The following MMP24 variants were observed in gnomAD, a reference collection of about 807,000 sequenced individuals.
The protein encoded by MMP24 is matrix metalloproteinase-24.
A neutral mutation model predicts 62.8 loss-of-function variants in MMP24; 25 were observed. The observed-to-expected ratio is 0.40, with a 90% CI of 0.29 to 0.56. MMP24 has a LOEUF of 0.56. MMP24 is among the 20% of genes least tolerant of loss of function. The pLI, the probability that MMP24 is intolerant of heterozygous loss-of-function variation, is 0.50. For missense variants in MMP24, 634 were observed against 853.6 expected (o/e 0.74, Z 3.21); for synonymous variants, 319 against 350.5 (o/e 0.91, Z 1.00).
chr20:35,252,538 C>G (rs571180028), intron 3 of MMP24, among the ~76,000 whole-genome samples: 11 of 152,352 alleles, frequency 7.2e-5, no homozygotes, highest in African/African-American at 2.6e-4. Context: ...CCTCCCACCC[C>G]AAAATCCACC....
intron 1 of MMP24, among the ~76,000 whole-genome samples, chr20:35,229,643 C>T (rs989947736): frequency 6.6e-6 from 1 of 152,104 alleles, no homozygotes; most frequent in African/African-American, 2.4e-5. Flanking sequence ...ATATTGCTTA[C>T]TCCTCTTTCT....
intron 3 of MMP24, among the ~76,000 whole-genome samples, chr20:35,252,487 C>T (rs2060552576): frequency 6.6e-6 from 1 of 152,214 alleles, no homozygotes; most frequent in African/African-American, 2.4e-5. Flanking sequence ...ATTCAGTCTC[C>T]TTATCACTGC....
chr20:35,261,274 C>G (rs1353617891), intron 4 of MMP24, among the ~76,000 whole-genome samples: 1 of 152,212 alleles, frequency 6.6e-6, no homozygotes, highest in Non-Finnish European at 1.5e-5. Flanking sequence ...CTCCACTGGC[C>G]TCGTGCTTCC....
intron 1 of MMP24, among the ~76,000 whole-genome samples, chr20:35,227,576 A>G (rs1441701098): frequency 1.3e-5 from 2 of 151,808 alleles, no homozygotes; most frequent in Non-Finnish European, 2.9e-5. Flanking sequence ...CTGCTCAACC[A>G]GCTTAGGAGG....
intron 1 of MMP24, among the ~76,000 whole-genome samples, chr20:35,242,446 T>A (rs2060493154): frequency 6.6e-6 from 1 of 152,186 alleles, no homozygotes; most frequent in African/African-American, 2.4e-5. Flanking sequence ...AAAGTAATGG[T>A]TACTTCCAAA....
At position 35,271,685 on chromosome 20, in the gene MMP24, C is replaced by A; in HGVS notation, c.1450C>A (p.Pro484Thr). 1 of 1,608,444 alleles carries A rather than the reference C, an allele frequency of 6.2e-7. No homozygotes were observed. The highest frequency in any genetic ancestry group is 1.3e-5 in the African/African-American group (1 of 74,990). Residue 484 changes from proline (P) to threonine (T), a missense_variant, in exon 8 of 9, where the codon CCT becomes ACT. Physicochemically the swap from Pro to Thr is conservative, Grantham distance 38. This residue lies in a region of MMP24 where 399 missense variants were observed against 530.8 expected (regional missense o/e 0.75). Transcript: ENST00000246186. The surrounding 1 kb of genome is among the most constrained non-coding windows in gnomAD (Gnocchi z 4.0). ...CATTGACACAGCTCTGCGCTGGGAA[C>A]CTGTGGGCAAGACCTACTTTTTCAA... The part of the protein sequence containing the change: ...EGIDTALRWE[P>T]VGKTYFFKGE...
At position 35,269,590 on chromosome 20, in the gene MMP24, C is replaced by G. The variant is rs146337027; in HGVS notation, c.1195-170C>G. ...AGTCAGCAGGAGGCTGAATTGAAGA[C>G]AGTTACAGGAGCATCCTGTCTTCCT... On this transcript the variant is annotated intron_variant, in intron 6 of 8. Coordinates refer to ENST00000246186, the MANE Select transcript of MMP24 (RefSeq NM_006690.4). This position sits in a 1 kb window ranked among gnomAD's most constrained non-coding sequence, Gnocchi z 4.6. 6.3e-4 allele frequency among the ~76,000 whole-genome samples: 96 copies of G among 152,248 alleles called. No homozygotes were observed. Among genetic ancestry groups the G allele is most frequent in the African/African-American group, 2.2e-3 (93 of 41,560 alleles).
rs1188137952 is a variant in MMP24, at chr20:35,276,408, G to A, written c.*1799G>A. Reference sequence around the variant, plus strand: ...ACACCTGTCCACTCACATGAAACTCGTGTTAGGCCCTGGGAGGCCGACGGT... The same window carrying A: ...ACACCTGTCCACTCACATGAAACTCATGTTAGGCCCTGGGAGGCCGACGGT... On this transcript the variant is annotated 3_prime_UTR_variant, in exon 9 of 9. Coordinates refer to ENST00000246186, the MANE Select transcript of MMP24 (RefSeq NM_006690.4). The A allele has an allele frequency of 1.3e-5, 5 of 398,082 alleles. No individual in the cohort carries two copies. The highest frequency in any genetic ancestry group is 2.2e-5 in the Non-Finnish European group (5 of 225,970). The allele number at this position is 398,082 out of a possible 1,614,324, so 24.7% of individuals were successfully genotyped here.
intron 3 of MMP24, among the ~76,000 whole-genome samples, chr20:35,252,447 A>G (rs1266595051): frequency 6.6e-6 from 1 of 152,190 alleles, no homozygotes; most frequent in Admixed American, 6.5e-5. Flanking sequence ...AACAAAAACC[A>G]CAAAACAAAA....
chr20:35,273,989 A>G (rs2060688317), intron 8 of MMP24, among the ~76,000 whole-genome samples: 1 of 152,174 alleles, frequency 6.6e-6, no homozygotes, highest in Non-Finnish European at 1.5e-5. Flanking sequence ...GCTTGCGTGC[A>G]AGGGGTCCTG....
At chr20:35,249,108 G>A (rs1255889310) in intron 2 of MMP24, among the ~76,000 whole-genome samples, 1 of 152,180 alleles carries the variant, frequency 6.6e-6, no homozygotes, top group Non-Finnish European at 1.5e-5. Context: ...GAAGCCAGTT[G>A]CACTTATTAA....
At position 35,263,972 on chromosome 20, in the gene MMP24, G is replaced by T; in HGVS notation, c.979+20G>T. 1 of 1,581,568 alleles carries T rather than the reference G, an allele frequency of 6.3e-7. No individual in the cohort carries two copies. The highest frequency in any genetic ancestry group is 8.6e-7 in the Non-Finnish European group (1 of 1,161,734). On this transcript the variant is annotated intron_variant, in intron 5 of 8. Transcript: ENST00000246186. ...TCTATGGTGTGTGGCAGGGAGAGGG[G>T]GGACTGCTCCTTCCTCGGGGCTGGG...
Position 35,271,427 on chromosome 20 carries a change from T to A in MMP24, c.1334-142T>A. The A allele has an allele frequency of 1.9e-6, 2 of 1,069,024 alleles. No individual in the cohort carries two copies. Among genetic ancestry groups the A allele is most frequent in the Non-Finnish European group, 1.3e-6 (1 of 751,174 alleles). The allele number at this position is 1,069,024 out of a possible 1,614,324, so 66.2% of individuals were successfully genotyped here. A position where few individuals can be genotyped will look rare whatever the true frequency, so the allele number is the denominator to read the frequency against. On this transcript the variant is annotated intron_variant, in intron 7 of 8. Coordinates refer to ENST00000246186, the MANE Select transcript of MMP24 (RefSeq NM_006690.4). The surrounding 1 kb of genome is among the most constrained non-coding windows in gnomAD (Gnocchi z 4.0). ...AGGCAAGTTGTCCAGGATCTGTGACTGGCCTCAGGCTTCGTGCCCTTCCCA... is the reference window on the plus strand; with the variant it reads ...AGGCAAGTTGTCCAGGATCTGTGACAGGCCTCAGGCTTCGTGCCCTTCCCA...
At chr20:35,248,306 C>CCTT (rs745624436) in intron 2 of MMP24, among the ~76,000 whole-genome samples, 20 of 136,800 alleles carry the variant, frequency 1.5e-4, no homozygotes, top group East Asian at 4.3e-4. Flanking sequence ...TTCCCCCCCC[C>CCTT]TTTTTTTTTT....
chr20:35,241,019 G>A (rs930564095), intron 1 of MMP24, among the ~76,000 whole-genome samples: 2 of 152,184 alleles, frequency 1.3e-5, no homozygotes, highest in Non-Finnish European at 1.5e-5. Flanking sequence ...ATTTAACAAA[G>A]GAGGTGACAT....
intron 4 of MMP24, among the ~76,000 whole-genome samples, chr20:35,256,620 G>A (rs2060575866): frequency 6.6e-6 from 1 of 150,526 alleles, no homozygotes; most frequent in Non-Finnish European, 1.5e-5. Flanking sequence ...TCTGGAGGCT[G>A]AGGCAGGAGA....
Position 35,254,306 on chromosome 20 carries a change from CTCT to C in MMP24, c.513-138_513-136del, listed in dbSNP as rs1487254271. 6.2e-6 allele frequency: 5 copies of C among 812,700 alleles called. No homozygotes were observed. The Admixed American group carries it at 7.4e-5, about 12-fold the overall frequency. 50.3% of individuals were successfully genotyped at this position (812,700 alleles called of 1,614,324 possible). A position where few individuals can be genotyped will look rare whatever the true frequency, so the allele number is the denominator to read the frequency against. On this transcript the variant is annotated intron_variant, in intron 3 of 8. Coordinates refer to ENST00000246186, the MANE Select transcript of MMP24 (RefSeq NM_006690.4). ...GGGATCCAGAGCTCTGTTACTCAGCCTCTTCTTCAATCCCTGAGGCAGCTAAGC... is the reference window on the plus strand; with the variant it reads ...GGGATCCAGAGCTCTGTTACTCAGCCTCTTCAATCCCTGAGGCAGCTAAGC...
intron 1 of MMP24, among the ~76,000 whole-genome samples, chr20:35,237,807 C>T (rs1366337220): frequency 1.3e-5 from 2 of 152,240 alleles, no homozygotes; most frequent in East Asian, 3.9e-4. Context: ...CCATTCAGCT[C>T]CCAAGTGTAT....
rs1298126765 is a variant in MMP24 at position 35,271,916 on chromosome 20, C to T, written c.1600+81C>T. The T allele has an allele frequency of 2.6e-5, 38 of 1,442,926 alleles. No homozygotes were observed. Among genetic ancestry groups the T allele is most frequent in the Non-Finnish European group, 3.4e-5 (37 of 1,090,372 alleles). The allele number at this position is 1,442,926 out of a possible 1,614,324, so 89.4% of individuals were successfully genotyped here. A position where few individuals can be genotyped will look rare whatever the true frequency, so the allele number is the denominator to read the frequency against. The stretch of plus-strand genomic sequence containing the variant: ...CCAGTGCCCACGGGCATACTCAGTG[C>T]CCATGGGCGTCCAGGTTTGAAAAAA... On this transcript the variant is annotated intron_variant, in intron 8 of 8. Coordinates refer to ENST00000246186, the MANE Select transcript of MMP24 (RefSeq NM_006690.4). The surrounding 1 kb of genome is among the most constrained non-coding windows in gnomAD (Gnocchi z 4.0).
Sources: gnomAD v4.1 joint callset for allele counts (sites outside exome capture counted in the v4.1 genomes callset) on GRCh38, gnomAD v4.1.1 for gene constraint, gnomAD v4.1.1 regional missense constraint, Gnocchi (gnomAD v3.1) non-coding constraint, MANE v1.5 for transcripts, NCBI Gene and HGNC (gene_info 2026-07-23, HGNC 2026-07-21) for gene names.